The following CTPS1 variants were observed in gnomAD, a reference collection of about 807,000 sequenced individuals.
The protein encoded by CTPS1 is CTP synthetase 1.
A neutral mutation model predicts 80.5 loss-of-function variants in CTPS1; 25 were observed. The observed-to-expected ratio is 0.31, with a 90% CI of 0.23 to 0.43. The LOEUF (loss-of-function observed/expected upper bound fraction) is 0.43. CTPS1 is among the 20% of genes least tolerant of loss of function. The pLI is 1.00. For missense variants in CTPS1, 442 were observed against 725.7 expected (o/e 0.61, Z 4.49); for synonymous variants, 267 against 252.5 (o/e 1.06, Z -0.54).
At chr1:41,009,366 C>G in intron 16 of CTPS1, 79 bp from the exon 17 acceptor site, 1 of 1,393,304 alleles carries the variant, frequency 7.2e-7, no homozygotes. Context: ...TGGAAACAAA[C>G]ATTTAAGCAG....
At chr1:41,005,896 C>T (rs528363705) in intron 12 of CTPS1, among the ~76,000 whole-genome samples, 155 bp from the exon 13 acceptor site, 11 of 152,070 alleles carry the variant, frequency 7.2e-5, no homozygotes, top group South Asian at 2.1e-4. Flanking sequence ...AGTGAGATCT[C>T]GTCTGGGGAT....
At chr1:40,993,175 C>T (rs1454090360) in intron 7 of CTPS1, among the ~76,000 whole-genome samples, 9 of 150,952 alleles carry the variant, frequency 6.0e-5, no homozygotes, top group African/African-American at 1.7e-4. Flanking sequence ...CTCAGCCTCC[C>T]GAATAGCTGG....
chr1:40,981,530 G>T (rs956749231), intron 1 of CTPS1, among the ~76,000 whole-genome samples: 1 of 152,130 alleles, frequency 6.6e-6, no homozygotes, highest in Non-Finnish European at 1.5e-5. Context: ...TATCTAAAAT[G>T]TACCTAAGAC....
intron 3 of CTPS1, among the ~76,000 whole-genome samples, chr1:40,986,089 C>T (rs1558133398): frequency 2.6e-5 from 4 of 152,200 alleles, no homozygotes. Context: ...ATGAGCAAGA[C>T]CAGAGAAGTC....
rs146355771 is a variant in CTPS1, at chr1:41,008,705, C to T, written c.1440C>T (p.His480=). The T allele has an allele frequency of 1.2e-6, 2 of 1,614,130 alleles. No homozygotes were observed. Among genetic ancestry groups the T allele is most frequent in the African/African-American group, 2.7e-5 (2 of 75,022 alleles). Reference sequence around the variant, plus strand: ...ACTACTTGGAAGAGAGGCACCGCCACCGATTTGAGGTGAGGATTCCAGCTT... The same window carrying T: ...ACTACTTGGAAGAGAGGCACCGCCATCGATTTGAGGTGAGGATTCCAGCTT... The part of the protein sequence containing the change: ...DADYLEERHR[H]RFEVNPVWKK... Residue 480 remains histidine, a synonymous_variant, in exon 15 of 19, where the codon CAC becomes CAT. Coordinates refer to ENST00000650070, the MANE Select transcript of CTPS1 (RefSeq NM_001905.4).
rs375485430 is a variant in CTPS1, at chr1:41,007,452, G to A, written c.1300G>A (p.Val434Ile). ...TCTGTTTTCTGAACATCTCCAGGTC[G>A]TAGACATGCCAGAACACAACCCAGG... ...FDPTTSHPVV[V>I]DMPEHNPGQM... Residue 434 changes from valine (V) to isoleucine (I), a missense_variant, in exon 14 of 19, where the codon GTA becomes ATA. By Grantham distance (29) the Val-to-Ile change is conservative (BLOSUM62 3). Transcript: ENST00000650070. This position sits in a 1 kb window ranked among gnomAD's most constrained non-coding sequence, Gnocchi z 4.4. 4 of 1,613,960 alleles carry A rather than the reference G, an allele frequency of 2.5e-6. No homozygotes were observed. Among genetic ancestry groups the A allele is most frequent in the Middle Eastern group, 1.6e-4 (1 of 6,062 alleles).
intron 7 of CTPS1, among the ~76,000 whole-genome samples, chr1:40,993,633 C>T (rs575065602): frequency 8.5e-5 from 13 of 152,306 alleles, no homozygotes; most frequent in Middle Eastern, 3.4e-3. Context: ...GCCGGCAATG[C>T]CCAGCCTTAC....
At position 41,002,263 on chromosome 1, in the gene CTPS1, C is replaced by G; in HGVS notation, c.1189+9C>G. 1.9e-6 allele frequency: 3 copies of G among 1,609,896 alleles called. No homozygotes were observed. The highest frequency in any genetic ancestry group is 1.7e-6 in the Non-Finnish European group (2 of 1,176,282). The stretch of plus-strand genomic sequence containing the variant: ...GAAAAAGCCTTTTTTGGGTAAGGAG[C>G]TCTGCAGTGCAGTCTTCACTTAAGA... On this transcript the variant is annotated intron_variant, in intron 11 of 18. Coordinates refer to ENST00000650070, the MANE Select transcript of CTPS1 (RefSeq NM_001905.4).
At chr1:41,004,047 C>T (rs1342745306) in intron 12 of CTPS1, 3 of 152,204 alleles carry the variant, frequency 2.0e-5, no homozygotes, top group East Asian at 1.9e-4. Context: ...GCTGATGTCC[C>T]GTTGGCCAAA....
At chr1:40,998,865 T>A (rs1484787022) in intron 9 of CTPS1, among the ~76,000 whole-genome samples, 3 of 152,236 alleles carry the variant, frequency 2.0e-5, no homozygotes, top group Non-Finnish European at 4.4e-5. Flanking sequence ...GACAGGTTCC[T>A]GCAGAATGGC....
At chr1:40,999,415 A>G (rs1044771034) in intron 9 of CTPS1, among the ~76,000 whole-genome samples, 7 of 152,162 alleles carry the variant, frequency 4.6e-5, no homozygotes, top group African/African-American at 1.7e-4. Context: ...CCCTAATTTA[A>G]AAAGTGGGCA....
chr1:41,000,980 A>T, intron 9 of CTPS1, 49 bp from the exon 10 acceptor site: 1 of 1,291,470 alleles, frequency 7.7e-7, no homozygotes, highest in Non-Finnish European at 1.1e-6. Context: ...AAGAACGCAC[A>T]GCCTGGGGTC....
intron 7 of CTPS1, among the ~76,000 whole-genome samples, chr1:40,992,448 G>A (rs1177351991): frequency 3.3e-5 from 5 of 152,132 alleles, no homozygotes; most frequent in Non-Finnish European, 5.9e-5. Flanking sequence ...CTGGTGCCTG[G>A]TGTCTAGGGT....
Position 41,008,730 on chromosome 1 carries a change from T to A in CTPS1, c.1449+16T>A. On this transcript the variant is annotated intron_variant, in intron 15 of 18. Transcript: ENST00000650070. ...CCGATTTGAGGTGAGGATTCCAGCTTGCTGGTACTCTGGAAAGATAGTGAG... is the reference window on the plus strand; with the variant it reads ...CCGATTTGAGGTGAGGATTCCAGCTAGCTGGTACTCTGGAAAGATAGTGAG... 6.2e-7 allele frequency: 1 copy of A among 1,614,154 alleles called. No homozygotes were observed. Among genetic ancestry groups the A allele is most frequent in the South Asian group, 1.1e-5 (1 of 91,080 alleles).
chr1:40,994,269 T>G (rs1642697487), intron 7 of CTPS1, among the ~76,000 whole-genome samples: 1 of 152,172 alleles, frequency 6.6e-6, no homozygotes. Flanking sequence ...AGGTTAACTT[T>G]TGTGTGTAGT....
At chr1:41,000,412 T>A (rs1283395200) in intron 9 of CTPS1, among the ~76,000 whole-genome samples, 1 of 151,550 alleles carries the variant, frequency 6.6e-6, no homozygotes, top group Non-Finnish European at 1.5e-5. Context: ...CCAGCTATTT[T>A]TTTTTTTTTT....
chr1:40,980,179 C>T (rs1570931892), intron 1 of CTPS1: 1 of 136,358 alleles, frequency 7.3e-6, no homozygotes, highest in South Asian at 2.3e-4. Context: ...CGGAGAAGGC[C>T]GTAGGGGAGT....
intron 13 of CTPS1, 92 bp downstream of exon 13, chr1:41,006,186 C>A: frequency 9.4e-7 from 1 of 1,064,758 alleles, no homozygotes; most frequent in Non-Finnish European, 1.4e-6. Context: ...AGAAGTGAGA[C>A]TGCTTGAGTC....
intron 7 of CTPS1, among the ~76,000 whole-genome samples, chr1:40,992,996 A>G (rs1443701208): frequency 6.6e-6 from 1 of 150,716 alleles, no homozygotes; most frequent in East Asian, 2.0e-4. Context: ...GGCCTTAAAA[A>G]TATTCACTAT....
Sources: gnomAD v4.1 joint callset for allele counts (sites outside exome capture counted in the v4.1 genomes callset) on GRCh38, gnomAD v4.1.1 for gene constraint, Gnocchi (gnomAD v3.1) non-coding constraint, MANE v1.5 for transcripts, NCBI Gene and HGNC (gene_info 2026-07-23, HGNC 2026-07-21) for gene names.